Variants in RPGRIP1 observed in about 807,000 individuals in gnomAD.
RPGRIP1 encodes X-linked retinitis pigmentosa GTPase regulator-interacting protein 1.
Under a neutral mutation model 157.9 loss-of-function variants are expected in RPGRIP1, and 128 were observed. That is an observed-to-expected ratio of 0.81 (90% confidence interval 0.70 to 0.94). RPGRIP1 has a LOEUF of 0.94. RPGRIP1 is among the 40% of genes least tolerant of loss of function. The pLI is 0.00. For synonymous variants in RPGRIP1, 554 were observed against 571.6 expected (o/e 0.97, Z 0.44); for missense variants, 1,486 against 1,545.8 (o/e 0.96, Z 0.65).
chr14:21,315,417 C>G (rs1436147976), intron 10 of RPGRIP1, among the ~76,000 whole-genome samples: 18 of 149,680 alleles, frequency 1.2e-4, no homozygotes, highest in African/African-American at 3.9e-4. Flanking sequence ...TGAGGCAGGA[C>G]AATGTCGTGA....
In RPGRIP1 at chr14:21,325,343, C is replaced by T; in HGVS notation, c.2327C>T (p.Ser776Leu). 6.3e-7 allele frequency: 1 copy of T among 1,599,650 alleles called. No homozygotes were observed. The highest frequency in any genetic ancestry group is 8.5e-7 in the Non-Finnish European group (1 of 1,173,036). The change falls in exon 16 of 25, where the codon TCA becomes TTA. Residue 776 changes from serine (S) to leucine (L), a missense_variant. Physicochemically the swap from Ser to Leu is moderately radical, Grantham distance 145. Transcript: ENST00000400017. ...NKRKKAQVYL[S>L]TDVLGGRKAQ... ...CGAAAGAAAGCCCAGGTCTACCTGT[C>T]AACCGATGTGCTTGGAGGCCGGAAG... is the stretch of plus-strand genomic sequence containing the variant.
At chr14:21,336,350 A>G (rs1203453403) in intron 21 of RPGRIP1, among the ~76,000 whole-genome samples, 1 of 152,192 alleles carries the variant, frequency 6.6e-6, no homozygotes, top group Non-Finnish European at 1.5e-5. Flanking sequence ...CCTGAGCAAC[A>G]CAGCAAGACA....
rs775935766 is a variant in RPGRIP1 at position 21,324,647 on chromosome 14, C to T, written c.1792C>T (p.Arg598Ter). 58 of 1,613,850 alleles carry T rather than the reference C, an allele frequency of 3.6e-5. 1 individual carries two copies. Among genetic ancestry groups the T allele is most frequent in the Admixed American group, 2.5e-4 (15 of 60,014 alleles). The stretch of plus-strand genomic sequence containing the variant: ...GCTCAAAGATGTTGCTTATGGCACC[C>T]GACCGTTGTCGTTATGTTTGGAAAC... ...EQLKDVAYGT[R>*]PLSLCLETLP... is the part of the protein sequence containing the mutation. Residue 598 changes from arginine (R) to a stop codon, truncating the protein, a stop_gained, in exon 15 of 25, where the codon CGA (arginine) becomes TGA (stop). Transcript: ENST00000400017. LOFTEE classifies it high-confidence loss of function.
chr14:21,309,667 T>C (rs1449270355), intron 7 of RPGRIP1, among the ~76,000 whole-genome samples: 1 of 152,076 alleles, frequency 6.6e-6, no homozygotes, highest in African/African-American at 2.4e-5. Flanking sequence ...AAGGACACAC[T>C]AAGAATTTTT....
At position 21,321,987 on chromosome 14, in the gene RPGRIP1, A is replaced by G. The variant is rs1882536097; in HGVS notation, c.1745A>G (p.His582Arg). 1.2e-5 allele frequency: 19 copies of G among 1,612,806 alleles called. No individual in the cohort carries two copies. In the East Asian group the frequency reaches 3.6e-4, roughly 30 times the overall value. ...CAGCTGGAAGGTATTTTAAGAAGCC[A>G]TGACCTTCCAACATCTGGCAAGTCT... Reference protein sequence around the residue: ...IKQLEGILRSHDLPTSEQLKD... With the variant: ...IKQLEGILRSRDLPTSEQLKD... Residue 582 changes from histidine to arginine, a missense_variant, in exon 14 of 25, where the codon CAT becomes CGT. By Grantham distance (29) the His-to-Arg change is conservative. Transcript: ENST00000400017.
intron 1 of RPGRIP1, among the ~76,000 whole-genome samples, chr14:21,280,484 G>T (rs866305901): frequency 1.3e-5 from 2 of 152,062 alleles, no homozygotes; most frequent in Middle Eastern, 6.4e-3. Context: ...GACCTCAGGT[G>T]ATTCACCCGC....
intron 3 of RPGRIP1, among the ~76,000 whole-genome samples, chr14:21,300,688 T>C (rs905948191): frequency 9.3e-5 from 14 of 150,686 alleles, no homozygotes; most frequent in Admixed American, 3.3e-4. Context: ...ACAAATACTA[T>C]TGGGGTAGTG....
chr14:21,317,947 TTGATCCTA>T (rs2139189139), intron 11 of RPGRIP1, 97 bp downstream of exon 11: 1 of 1,018,096 alleles, frequency 9.8e-7, no homozygotes, highest in Admixed American at 2.2e-5. Flanking sequence ...ATCCCCTCAC[TTGATCCTA>T]TTCTTTTGTG....
chr14:21,342,006 T>C (rs577229725), intron 21 of RPGRIP1, among the ~76,000 whole-genome samples: 71 of 149,176 alleles, frequency 4.8e-4, no homozygotes, highest in Non-Finnish European at 7.8e-4. Flanking sequence ...GCCGAGATCG[T>C]GCCACTGCAC....
intron 6 of RPGRIP1, among the ~76,000 whole-genome samples, chr14:21,306,840 A>G (rs974802705): frequency 1.3e-5 from 2 of 150,128 alleles, no homozygotes; most frequent in African/African-American, 4.9e-5. Flanking sequence ...CAGTGGTGCA[A>G]TCTCGGCTCA....
Position 21,350,984 on chromosome 14 carries a change from T to C in RPGRIP1, c.3749-120T>C, listed in dbSNP as rs1886216392. ...CCATTTTCCTTTCTCCTTCACTAGA[T>C]TGAGTCCTCTTATGAAATGGGTAAT... is the stretch of plus-strand genomic sequence containing the variant. On this transcript the variant is annotated intron_variant, in intron 24 of 24. Transcript: ENST00000400017. The C allele has an allele frequency of 8.6e-6, 5 of 583,026 alleles. No individual in the cohort carries two copies. The East Asian group carries it at 1.1e-4, about 13-fold the overall frequency. 36.1% of individuals were successfully genotyped at this position (583,026 alleles called of 1,614,324 possible).
In RPGRIP1 at chr14:21,290,102, C is replaced by G. The variant is rs564666906; in HGVS notation, c.85+2041C>G. Among the ~76,000 whole-genome samples the G allele has an allele frequency of 5.3e-5, 8 of 152,254 alleles. 1 individual carries two copies. In the East Asian group the frequency reaches 1.6e-3, roughly 30 times the overall value. On this transcript the variant is annotated intron_variant, in intron 2 of 24. Coordinates refer to ENST00000400017, the MANE Select transcript of RPGRIP1 (RefSeq NM_020366.4). ...CAACTCCTGGCTTCAAGTCATCTGT[C>G]TGCCTCGGCCTCCCAAAGTGCTGGG... is the stretch of plus-strand genomic sequence containing the variant.
intron 1 of RPGRIP1, among the ~76,000 whole-genome samples, chr14:21,284,771 T>C (rs1880243459): frequency 6.6e-6 from 1 of 152,010 alleles, no homozygotes; most frequent in Admixed American, 6.6e-5. Flanking sequence ...AAGCTGGTCT[T>C]GAACTCCTGA....
rs766249439 is a variant in RPGRIP1, at chr14:21,325,930, T to C, written c.2467T>C (p.Tyr823His). The change falls in exon 17 of 25, where the codon TAT (tyrosine) becomes CAT (histidine). Residue 823 changes from tyrosine (Y) to histidine (H), a missense_variant. Coordinates refer to ENST00000400017, the MANE Select transcript of RPGRIP1 (RefSeq NM_020366.4). ...SRWLGTQPSP[Y>H]AVYRFFTFSD... ...ATGGCTGGGAACTCAACCCAGTCCA[T>C]ATGCTGTGTACCGCTTCTTCACCTT... 3 of 1,613,972 alleles carry C rather than the reference T, an allele frequency of 1.9e-6. No homozygotes were observed. The highest frequency in any genetic ancestry group is 2.5e-6 in the Non-Finnish European group (3 of 1,179,860).
intron 20 of RPGRIP1, among the ~76,000 whole-genome samples, chr14:21,333,100 C>T (rs553244496): frequency 6.6e-6 from 1 of 152,204 alleles, no homozygotes; most frequent in South Asian, 2.1e-4. Flanking sequence ...TGCTTCATTT[C>T]AAAACAAAAA....
intron 3 of RPGRIP1, 140 bp downstream of exon 3, chr14:21,294,949 T>C: frequency 1.6e-6 from 1 of 622,540 alleles, no homozygotes; most frequent in South Asian, 3.0e-5. Context: ...ATTCAAGCAA[T>C]TCTCCTGCCC....
intron 3 of RPGRIP1, 33 bp downstream of exon 3, chr14:21,294,842 T>C (rs769072975): frequency 2.5e-6 from 3 of 1,210,522 alleles, no homozygotes; most frequent in African/African-American, 4.6e-5. Context: ...TTTTTTTTTT[T>C]TTTTTTTTTT....
chr14:21,309,553 G>A (rs12433536), intron 7 of RPGRIP1, among the ~76,000 whole-genome samples: 30,214 of 151,960 alleles, frequency 0.2, 3,751 homozygotes, highest in Admixed American at 0.32. Flanking sequence ...AGATTTGTGA[G>A]TTAAATACTG....
At chr14:21,316,628 G>C (rs1309859085) in intron 10 of RPGRIP1, among the ~76,000 whole-genome samples, 1 of 152,110 alleles carries the variant, frequency 6.6e-6, no homozygotes, top group Non-Finnish European at 1.5e-5. Flanking sequence ...ATGTTGGCCA[G>C]GCTGGTCTCG....
Sources: gnomAD v4.1 joint callset for allele counts (sites outside exome capture counted in the v4.1 genomes callset) on GRCh38, gnomAD v4.1.1 for gene constraint, MANE v1.5 for transcripts, NCBI Gene and HGNC (gene_info 2026-07-23, HGNC 2026-07-21) for gene names.